The following PAXBP1 variants were observed in gnomAD, a reference collection of about 807,000 sequenced individuals.
PAXBP1 encodes the protein PAX3 and PAX7 binding protein 1.
Under a neutral mutation model 119.9 loss-of-function variants are expected in PAXBP1, and 44 were observed. That is an observed-to-expected ratio of 0.37 (90% CI 0.29 to 0.47). The LOEUF (loss-of-function observed/expected upper bound fraction) is 0.47. Ranked by LOEUF, PAXBP1 falls within the 20% of genes least tolerant of loss-of-function variation. The probability of loss-of-function intolerance (pLI) is 0.99; values close to 1 mark genes in which losing one functional copy is unlikely to be tolerated. For missense variants in PAXBP1, 898 were observed against 1,134.1 expected (o/e 0.79, Z 2.99); for synonymous variants, 393 against 406.6 (o/e 0.97, Z 0.40).
chr21:32,764,401 T>C lies in PAXBP1; in HGVS notation c.596A>G (p.Lys199Arg), dbSNP rs144304571. 1.2e-6 allele frequency: 2 copies of C among 1,613,880 alleles called. No homozygotes were observed. Among genetic ancestry groups the C allele is most frequent in the Middle Eastern group, 1.7e-4 (1 of 6,056 alleles). ...AGCATTTGAAAAAGCTCCACCAGTC[T>C]TTGGCTTTTCTTCCTCTTTTTCACT... ...MESEKEEEKP[K>R]TGGAFSNALS... Residue 199 changes from lysine (K) to arginine (R), a missense_variant, in exon 3 of 18, where the codon AAG becomes AGG. Lys to Arg is a conservative substitution (Grantham distance 26). Coordinates refer to ENST00000331923, the MANE Select transcript of PAXBP1 (RefSeq NM_016631.4).
intron 2 of PAXBP1, among the ~76,000 whole-genome samples, chr21:32,769,081 G>A (rs987453574): frequency 1.3e-5 from 2 of 152,182 alleles, no homozygotes. Context: ...CATCTAGATT[G>A]TAAATTTGAG....
chr21:32,771,270 C>T, intron 1 of PAXBP1, 56 bp downstream of exon 1: 1 of 1,450,048 alleles, frequency 6.9e-7, no homozygotes, highest in Non-Finnish European at 9.2e-7. Flanking sequence ...GGGCGGGGGA[C>T]GGGGGCCTGC....
In PAXBP1 at chr21:32,771,585, C is replaced by G; in HGVS notation, c.84G>C (p.Glu28Asp). 6.9e-7 allele frequency: 1 copy of G among 1,459,424 alleles called. No homozygotes were observed. The highest frequency in any genetic ancestry group is 9.0e-7 in the Non-Finnish European group (1 of 1,111,210). The allele number at this position is 1,459,424 out of a possible 1,614,324, so 90.4% of individuals were successfully genotyped here. ...EEERERDEEQ[E>D]PPPLLPPPGT... ...CCGGCGGCGGCAACAACGGCGGCGG[C>G]TCCTGCTCCTCATCGCGTTCCCGCT... The change falls in exon 1 of 18, where the codon GAG becomes GAC. Residue 28 changes from glutamate to aspartate, a missense_variant. Physicochemically the swap from Glu to Asp is conservative, Grantham distance 45. Transcript: ENST00000331923.
rs1469650006 is a variant in PAXBP1 at position 32,737,311 on chromosome 21, G to A, written c.2579C>T (p.Ala860Val). 5 of 1,599,374 alleles carry A rather than the reference G, an allele frequency of 3.1e-6. No homozygotes were observed. Among genetic ancestry groups the A allele is most frequent in the Admixed American group, 3.5e-5 (2 of 57,410 alleles). Residue 860 changes from alanine (A) to valine (V), a missense_variant, in exon 17 of 18, where the codon GCG (alanine) becomes GTG (valine). This residue lies in a region of PAXBP1 where 599 missense variants were observed against 852.7 expected (regional missense o/e 0.70). Transcript: ENST00000331923. ...GATACTATTTCTATAAATTGTATCC[G>A]CTAAGTGTACAAGGTATCGGCAAAA... ...ENFCRYLVHL[A>V]DTIYRNSIGC... is the part of the protein sequence containing the mutation.
At chr21:32,753,769 AAACTAATATAAATAATT>A (rs2043999973) in intron 8 of PAXBP1, among the ~76,000 whole-genome samples, 1 of 152,182 alleles carries the variant, frequency 6.6e-6, no homozygotes, top group East Asian at 1.9e-4. Flanking sequence ...ACTTTCAATC[AAACTAATATAAATAATT>A]CAACTCTTCT....
chr21:32,771,462 C>A lies in PAXBP1; in HGVS notation c.207G>T (p.Pro69=). 1 of 1,382,242 alleles carries A rather than the reference C, an allele frequency of 7.2e-7. No individual in the cohort carries two copies. Among genetic ancestry groups the A allele is most frequent in the Non-Finnish European group, 9.3e-7 (1 of 1,074,950 alleles). 85.6% of individuals were successfully genotyped at this position (1,382,242 alleles called of 1,614,324 possible). A position where few individuals can be genotyped will look rare whatever the true frequency, so the allele number is the denominator to read the frequency against. The change falls in exon 1 of 18, where the codon CCG becomes CCT. Residue 69 remains proline (P), a synonymous_variant. Coordinates refer to ENST00000331923, the MANE Select transcript of PAXBP1 (RefSeq NM_016631.4). ...CGCCCCCGGCCTCAGCCCCGAGGCC[C>A]GGGGTCAGCGCGGAAGGCGGCGACG... is the stretch of plus-strand genomic sequence containing the variant. The part of the protein sequence containing the change: ...PGPSPPSALT[P]GLGAEAGGGF...
At chr21:32,760,890 TGTGC>T (rs202232037) in intron 5 of PAXBP1, among the ~76,000 whole-genome samples, 165 bp downstream of exon 5, 5,886 of 147,182 alleles carry the variant, frequency 0.04, 222 homozygotes, top group African/African-American at 0.095. Flanking sequence ...CGTGTCTCTG[TGTGC>T]GTGCGTGCGT....
At chr21:32,749,698 T>C (rs924860876) in intron 10 of PAXBP1, among the ~76,000 whole-genome samples, 1 of 152,074 alleles carries the variant, frequency 6.6e-6, no homozygotes, top group African/African-American at 2.4e-5. Flanking sequence ...AAAAAAAAGT[T>C]TAACTTAAAT....
At chr21:32,761,214 G>A (rs780083717) in intron 4 of PAXBP1, 52 bp from the exon 5 acceptor site, 1 of 1,368,252 alleles carries the variant, frequency 7.3e-7, no homozygotes, top group Non-Finnish European at 1.0e-6. Context: ...GAGCAAAGAG[G>A]TAAAAGATGC....
intron 7 of PAXBP1, chr21:32,756,304 A>G (rs1463914086): frequency 1.9e-6 from 1 of 534,180 alleles, no homozygotes. Flanking sequence ...CAAATGGAAA[A>G]CACATTATTT....
intron 11 of PAXBP1, 59 bp from the exon 12 acceptor site, chr21:32,745,777 C>T (rs1235811767): frequency 6.3e-7 from 1 of 1,589,854 alleles, no homozygotes; most frequent in Non-Finnish European, 8.6e-7. Flanking sequence ...CTGCTTCCAG[C>T]TATGATAAGA....
chr21:32,752,732 C>G (rs2043976494), intron 8 of PAXBP1, among the ~76,000 whole-genome samples: 1 of 152,096 alleles, frequency 6.6e-6, no homozygotes, highest in South Asian at 2.1e-4. Context: ...CTCCGCCGCC[C>G]AGGTTCAAGC....
chr21:32,737,347 T>G lies in PAXBP1; in HGVS notation c.2543A>C (p.Gln848Pro), dbSNP rs779053019. Residue 848 changes from glutamine to proline, a missense_variant, in exon 17 of 18, where the codon CAG becomes CCG. This residue lies in a region of PAXBP1 where 599 missense variants were observed against 852.7 expected (regional missense o/e 0.70). Coordinates refer to ENST00000331923, the MANE Select transcript of PAXBP1 (RefSeq NM_016631.4). The stretch of plus-strand genomic sequence containing the variant: ...AAGGTATCGGCAAAAGTTTTCTAAC[T>G]GAGAAATAGTCCTTTCTCCTTTCAG... ...MNLKGERTIS[Q>P]LENFCRYLVH... 2.5e-6 allele frequency: 4 copies of G among 1,610,430 alleles called. No individual in the cohort carries two copies. In the South Asian group the frequency reaches 3.3e-5, roughly 13 times the overall value.
At chr21:32,745,860 G>T in intron 11 of PAXBP1, 142 bp from the exon 12 acceptor site, 1 of 978,298 alleles carries the variant, frequency 1.0e-6, no homozygotes, top group Non-Finnish European at 1.5e-6. Flanking sequence ...CATGCTACCA[G>T]ACTTCAAACT....
chr21:32,740,009 T>TAGTTA (rs2043757449), intron 15 of PAXBP1, among the ~76,000 whole-genome samples: 1 of 124,034 alleles, frequency 8.1e-6, no homozygotes, highest in South Asian at 2.5e-4. Flanking sequence ...ATGACACATA[T>TAGTTA]AGTTAACTGG....
intron 8 of PAXBP1, among the ~76,000 whole-genome samples, chr21:32,754,294 G>A (rs1340999583): frequency 6.6e-6 from 1 of 152,202 alleles, no homozygotes; most frequent in Admixed American, 6.5e-5. Context: ...ATTTCTGGAT[G>A]CTGAAGACCT....
Position 32,759,275 on chromosome 21 carries a change from G to A in PAXBP1, c.1194-6C>T, listed in dbSNP as rs1409537428. On this transcript the variant is annotated splice_region_variant and splice_polypyrimidine_tract_variant and intron_variant, in intron 6 of 17. Coordinates refer to ENST00000331923, the MANE Select transcript of PAXBP1 (RefSeq NM_016631.4). ...ATTCTTTCATGGAGTCCAACCTTAG[G>A]AACACAAAAGGATAAATATAACACA... 6.2e-7 allele frequency: 1 copy of A among 1,612,188 alleles called. No individual in the cohort carries two copies. The highest frequency in any genetic ancestry group is 8.5e-7 in the Non-Finnish European group (1 of 1,179,096).
intron 15 of PAXBP1, chr21:32,742,605 T>C (rs1478252224): frequency 6.5e-6 from 1 of 154,440 alleles, no homozygotes; most frequent in Non-Finnish European, 1.4e-5. Flanking sequence ...TGTTGTCAAC[T>C]GTGCTGGACT....
Position 32,748,602 on chromosome 21 carries a change from G to T in PAXBP1, c.1820C>A (p.Ser607Ter). The change falls in exon 11 of 18, where the codon TCA becomes TAA. Residue 607 changes from serine to a stop codon, truncating the protein, a stop_gained. Coordinates refer to ENST00000331923, the MANE Select transcript of PAXBP1 (RefSeq NM_016631.4). LOFTEE classifies it high-confidence loss of function. Reference sequence around the variant, plus strand: ...ATCTTTGTAGGATGTGTAGTATTTTGAACGCCATGCTTCAAACTGTGATTT... The same window carrying T: ...ATCTTTGTAGGATGTGTAGTATTTTTAACGCCATGCTTCAAACTGTGATTT... ...CIKSQFEAWR[S>*]KYYTSYKDAY... is the part of the protein sequence containing the mutation. The T allele has an allele frequency of 1.2e-6, 2 of 1,614,040 alleles. No individual in the cohort carries two copies. Among genetic ancestry groups the T allele is most frequent in the South Asian group, 2.2e-5 (2 of 91,064 alleles).
Sources: allele counts gnomAD v4.1 joint callset (sites outside exome capture counted in the v4.1 genomes callset), GRCh38; gene constraint gnomAD v4.1.1; regional missense constraint gnomAD v4.1.1; transcripts MANE v1.5; gene names NCBI Gene and HGNC (gene_info 2026-07-23, HGNC 2026-07-21).